The following NFU1 variants were observed in gnomAD, a reference collection of about 807,000 sequenced individuals.
NFU1 encodes NFU1 iron-sulfur cluster scaffold.
In NFU1, 30 loss-of-function variants were observed where a neutral mutation model predicts 32.2. The ratio of observed to expected loss-of-function variants is 0.93; its 90% CI spans 0.70 to 1.26. The LOEUF (loss-of-function observed/expected upper bound fraction) is 1.26, where lower values mean the gene tolerates loss of function less well. NFU1 is among the 50% of genes most tolerant of loss of function. The pLI, the probability that NFU1 is intolerant of heterozygous loss-of-function variation, is 0.00. For missense variants in NFU1, 306 were observed against 306.6 expected (o/e 1.00, Z 0.02); for synonymous variants, 112 against 104.6 (o/e 1.07, Z -0.43).
intron 3 of NFU1, among the ~76,000 whole-genome samples, chr2:69,422,900 G>C (rs1574140257): frequency 6.6e-6 from 1 of 151,970 alleles, no homozygotes; most frequent in African/African-American, 2.4e-5. Flanking sequence ...ATTTTTTGTA[G>C]ACAGGGTTTC....
At chr2:69,411,991 G>C (rs1298004425) in intron 5 of NFU1, among the ~76,000 whole-genome samples, 2 of 152,160 alleles carry the variant, frequency 1.3e-5, no homozygotes, top group African/African-American at 2.4e-5. Context: ...TTGCGATGCT[G>C]AGGCAGGAGG....
At chr2:69,406,199 A>G in intron 5 of NFU1, 117 bp from the exon 6 acceptor site, 1 of 664,380 alleles carries the variant, frequency 1.5e-6, no homozygotes, top group Non-Finnish European at 2.7e-6. Context: ...AAACTATAGA[A>G]AGAACATGTA....
In NFU1 at chr2:69,415,431, G is replaced by A. The variant is rs1673018441; in HGVS notation, c.370-132C>T. 7 of 633,882 alleles carry A rather than the reference G, an allele frequency of 1.1e-5. 1 individual carries two copies. Among genetic ancestry groups the A allele is most frequent in the South Asian group, 5.4e-5 (3 of 55,344 alleles). The allele number at this position is 633,882 out of a possible 1,614,324, so 39.3% of individuals were successfully genotyped here. A position where few individuals can be genotyped will look rare whatever the true frequency, so the allele number is the denominator to read the frequency against. ...CACTCTGTTGCCCAGGCTGGATGGA[G>A]TACAGTGGTGTGATCTTGGCTCACT... is the stretch of plus-strand genomic sequence containing the variant. On this transcript the variant is annotated intron_variant, in intron 4 of 7. Transcript: ENST00000410022.
intron 1 of NFU1, among the ~76,000 whole-genome samples, chr2:69,433,341 G>T (rs2104817365): frequency 6.6e-6 from 1 of 151,840 alleles, no homozygotes; most frequent in East Asian, 2.0e-4. Context: ...ACCATGCCTG[G>T]CTAATTTTTG....
Position 69,396,170 on chromosome 2 carries a change from A to T in NFU1, c.*76T>A, listed in dbSNP as rs577635342. The T allele has an allele frequency of 4.5e-5, 51 of 1,125,876 alleles. No homozygotes were observed. In the Admixed American group the frequency reaches 4.9e-4, roughly 11 times the overall value. The allele number at this position is 1,125,876 out of a possible 1,614,324, so 69.7% of individuals were successfully genotyped here. A position where few individuals can be genotyped will look rare whatever the true frequency, so the allele number is the denominator to read the frequency against. Reference sequence around the variant, plus strand: ...TATTTTATTAATCTTCAAGTTCCTCAGCATATTAATAATAAAAACTTGATA... The same window carrying T: ...TATTTTATTAATCTTCAAGTTCCTCTGCATATTAATAATAAAAACTTGATA... On this transcript the variant is annotated 3_prime_UTR_variant, in exon 8 of 8. Coordinates refer to ENST00000410022, the MANE Select transcript of NFU1 (RefSeq NM_001002755.4).
intron 7 of NFU1, chr2:69,399,372 G>GC: frequency 2.2e-6 from 1 of 455,844 alleles, no homozygotes. Context: ...ACAAGGTGCT[G>GC]TGTTATACTC....
chr2:69,404,140 C>T (rs945794880), intron 6 of NFU1, among the ~76,000 whole-genome samples: 3 of 150,854 alleles, frequency 2.0e-5, no homozygotes, highest in African/African-American at 2.4e-5. Context: ...ACCCGGCCTC[C>T]AATTAATTAT....
upstream of NFU1, among the ~76,000 whole-genome samples, chr2:69,439,519 C>CA (rs1490632578): frequency 6.6e-6 from 1 of 152,190 alleles, no homozygotes; most frequent in Non-Finnish European, 1.5e-5. Flanking sequence ...CTACAAAGAG[C>CA]AAAAGAACAA....
At chr2:69,400,612 A>T in intron 6 of NFU1, 74 bp from the exon 7 acceptor site, 1 of 1,309,988 alleles carries the variant, frequency 7.6e-7, no homozygotes, top group Non-Finnish European at 1.1e-6. Context: ...AATACAGCTC[A>T]GAGCTTAAAT....
intron 1 of NFU1, 143 bp downstream of exon 1, chr2:69,437,218 C>A (rs1343875688): frequency 2.3e-5 from 34 of 1,467,360 alleles, no homozygotes; most frequent in Non-Finnish European, 2.9e-5. Context: ...AGGGCTCACC[C>A]CCAACTACGG....
chr2:69,438,913 C>T (rs1192451417), upstream of NFU1, among the ~76,000 whole-genome samples: 6 of 127,982 alleles, frequency 4.7e-5, no homozygotes, highest in Admixed American at 3.9e-4. Flanking sequence ...CCCACCCCCC[C>T]ACACACACCC....
At chr2:69,418,994 C>A (rs1673149233) in intron 4 of NFU1, among the ~76,000 whole-genome samples, 1 of 152,100 alleles carries the variant, frequency 6.6e-6, no homozygotes, top group African/African-American at 2.4e-5. Flanking sequence ...CCCTTTCTAG[C>A]AGATACTGCC....
Position 69,423,563 on chromosome 2 carries a change from A to G in NFU1, c.302+19T>C. On this transcript the variant is annotated intron_variant, in intron 3 of 7. Coordinates refer to ENST00000410022, the MANE Select transcript of NFU1 (RefSeq NM_001002755.4). ...TTATTTATGTTTCTTGGTAAAAGCAAATGAAAACAGTAATATACCTAGCCA... is the reference window on the plus strand; with the variant it reads ...TTATTTATGTTTCTTGGTAAAAGCAGATGAAAACAGTAATATACCTAGCCA... The G allele has an allele frequency of 6.2e-7, 1 of 1,607,394 alleles. No individual in the cohort carries two copies. The highest frequency in any genetic ancestry group is 8.5e-7 in the Non-Finnish European group (1 of 1,177,170).
intron 1 of NFU1, among the ~76,000 whole-genome samples, chr2:69,434,524 T>C (rs762932814): frequency 2.0e-5 from 3 of 152,094 alleles, no homozygotes; most frequent in Non-Finnish European, 2.9e-5. Flanking sequence ...AGGAAGAAAA[T>C]GAAAGCAAAT....
chr2:69,425,399 G>T (rs1353937455), intron 2 of NFU1, among the ~76,000 whole-genome samples: 1 of 150,936 alleles, frequency 6.6e-6, no homozygotes, highest in Non-Finnish European at 1.5e-5. Context: ...CTTTCCCCCA[G>T]GCTAGAGTGA....
intron 7 of NFU1, 93 bp from the exon 8 acceptor site, chr2:69,396,383 ACT>A (rs1214867707): frequency 4.7e-6 from 4 of 855,566 alleles, no homozygotes; most frequent in African/African-American, 3.4e-5. Context: ...TACCTGATAC[ACT>A]CTATAATGAG....
chr2:69,436,620 T>C (rs1356733864), intron 1 of NFU1, among the ~76,000 whole-genome samples: 1 of 152,196 alleles, frequency 6.6e-6, no homozygotes, highest in African/African-American at 2.4e-5. Context: ...TTTTAGGATA[T>C]ACATTTAAAC....
intron 4 of NFU1, among the ~76,000 whole-genome samples, chr2:69,418,830 G>A (rs1319021020): frequency 1.3e-5 from 2 of 152,064 alleles, no homozygotes; most frequent in Non-Finnish European, 2.9e-5. Context: ...TTTGCTTAAG[G>A]GGAGTTTAAT....
intron 2 of NFU1, among the ~76,000 whole-genome samples, chr2:69,428,248 A>C (rs1192156629): frequency 6.6e-6 from 1 of 151,704 alleles, no homozygotes; most frequent in African/African-American, 2.4e-5. Flanking sequence ...AACATGGTAA[A>C]ACCCTGTGTC....
Sources: gnomAD v4.1 joint callset for allele counts (sites outside exome capture counted in the v4.1 genomes callset) on GRCh38, gnomAD v4.1.1 for gene constraint, MANE v1.5 for transcripts, NCBI Gene and HGNC (gene_info 2026-07-23, HGNC 2026-07-21) for gene names.